LRMDA: variants seen among roughly 807,000 people sequenced by gnomAD.
LRMDA encodes leucine rich melanocyte differentiation associated.
Under a neutral mutation model 29.8 loss-of-function variants are expected in LRMDA, and 18 were observed. The observed-to-expected ratio is 0.60, with a 90% CI of 0.42 to 0.90. The LOEUF (loss-of-function observed/expected upper bound fraction) is 0.90. Ranked by LOEUF, LRMDA falls within the 40% of genes least tolerant of loss-of-function variation. The pLI is 0.00. For missense variants in LRMDA, 273 were observed against 273.9 expected (o/e 1.00, Z 0.02); for synonymous variants, 125 against 109.4 (o/e 1.14, Z -0.89).
chr10:75,900,021 G>T (rs1422545785), intron 2 of LRMDA, among the ~76,000 whole-genome samples: 1 of 152,076 alleles, frequency 6.6e-6, no homozygotes, highest in Non-Finnish European at 1.5e-5. Flanking sequence ...ATTAGAGCTG[G>T]GGCTCTTCCT....
intron 5 of LRMDA, among the ~76,000 whole-genome samples, chr10:76,145,684 A>G (rs927185775): frequency 9.9e-5 from 15 of 151,252 alleles, no homozygotes; most frequent in African/African-American, 3.4e-4. Flanking sequence ...TTGTGTCTCT[A>G]TTTCCTTCAG....
chr10:75,800,321 T>C (rs4746333), intron 2 of LRMDA, among the ~76,000 whole-genome samples: 58,920 of 152,048 alleles, frequency 0.39, 13,464 homozygotes, highest in South Asian at 0.52. Flanking sequence ...TTTTGCAGCA[T>C]ATATATATAT....
At chr10:76,118,066 G>C (rs1849697254) in intron 5 of LRMDA, among the ~76,000 whole-genome samples, 1 of 152,210 alleles carries the variant, frequency 6.6e-6, no homozygotes, top group African/African-American at 2.4e-5. Context: ...GTGACTCCCA[G>C]CTTTGCTTTT....
At chr10:76,038,686 T>A (rs1037668321) in intron 3 of LRMDA, among the ~76,000 whole-genome samples, 4 of 152,170 alleles carry the variant, frequency 2.6e-5, no homozygotes, top group Non-Finnish European at 5.9e-5. Flanking sequence ...GCTAAATGAC[T>A]CTCCTACCTA....
At chr10:75,753,583 A>G (rs1025258049) in intron 2 of LRMDA, among the ~76,000 whole-genome samples, 2 of 152,148 alleles carry the variant, frequency 1.3e-5, no homozygotes, top group African/African-American at 4.8e-5. Flanking sequence ...TGAGCTGGCT[A>G]GGAAGGTGGG....
At chr10:76,063,321 T>C (rs1333072012) in intron 5 of LRMDA, among the ~76,000 whole-genome samples, 1 of 152,188 alleles carries the variant, frequency 6.6e-6, no homozygotes, top group Non-Finnish European at 1.5e-5. Flanking sequence ...CACAGTGTGT[T>C]CAAACGTATG....
chr10:76,188,378 A>G (rs998694646), intron 5 of LRMDA, among the ~76,000 whole-genome samples: 15 of 152,234 alleles, frequency 9.9e-5, no homozygotes, highest in Non-Finnish European at 7.3e-5. Flanking sequence ...GCCAGACTCC[A>G]GGAGTAATGA....
intron 5 of LRMDA, among the ~76,000 whole-genome samples, chr10:76,117,651 T>C (rs186968636): frequency 1.3e-3 from 205 of 152,330 alleles, no homozygotes; most frequent in African/African-American, 4.7e-3. Context: ...TCGAGTGAGT[T>C]ATATAAAATA....
rs565999347 is a variant in LRMDA, at chr10:75,655,838, T to G, written c.131+217344T>G. Among the ~76,000 whole-genome samples the G allele has an allele frequency of 3.9e-5, 6 of 152,252 alleles. No homozygotes were observed. In the East Asian group the frequency reaches 9.7e-4, roughly 25 times the overall value. On this transcript the variant is annotated intron_variant, in intron 2 of 6. Coordinates refer to ENST00000611255, the MANE Select transcript of LRMDA (RefSeq NM_001305581.2). ...GACATATTTTTAGGGTGGGTCTGGA[T>G]AAGGATGTTTGGTTCAAACGTGTGT... is the stretch of plus-strand genomic sequence containing the variant.
chr10:75,771,597 A>C, intron 2 of LRMDA, among the ~76,000 whole-genome samples: 1 of 152,162 alleles, frequency 6.6e-6, no homozygotes. Flanking sequence ...GTCAGGAAGC[A>C]GGAGCCAGGT....
intron 2 of LRMDA, among the ~76,000 whole-genome samples, chr10:75,750,414 CAG>C (rs1171470240): frequency 6.9e-6 from 1 of 145,224 alleles, no homozygotes; most frequent in Admixed American, 6.8e-5. Context: ...GGCGGTCAGG[CAG>C]AGACACTCCT....
intron 2 of LRMDA, among the ~76,000 whole-genome samples, chr10:75,555,819 A>G (rs1163536714): frequency 6.6e-6 from 1 of 152,200 alleles, no homozygotes. Flanking sequence ...AGTGTGCCCA[A>G]GGACATAAAG....
At chr10:75,761,387 C>T (rs968580901) in intron 2 of LRMDA, among the ~76,000 whole-genome samples, 3 of 152,176 alleles carry the variant, frequency 2.0e-5, no homozygotes, top group Non-Finnish European at 2.9e-5. Context: ...TGTTACACCA[C>T]GGATGAATCT....
rs114071253 is a variant in LRMDA at position 75,462,709 on chromosome 10, A to G, written c.131+24215A>G. ...TAGGAAAATGTTATGTTGTGCTGGT[A>G]TAATTAGCTTTATAAGGTGGGGAGA... On this transcript the variant is annotated intron_variant, in intron 2 of 6. Coordinates refer to ENST00000611255, the MANE Select transcript of LRMDA (RefSeq NM_001305581.2). Among the ~76,000 whole-genome samples, 353 of 152,310 alleles carry G rather than the reference A, an allele frequency of 2.3e-3. 2 individuals are homozygous for G. The highest frequency in any genetic ancestry group is 8.1e-3 in the African/African-American group (337 of 41,566).
chr10:76,459,207 T>C (rs1842488052), intron 6 of LRMDA, among the ~76,000 whole-genome samples: 1 of 152,154 alleles, frequency 6.6e-6, no homozygotes, highest in Non-Finnish European at 1.5e-5. Context: ...CCAAGCACTT[T>C]GGATTTTCCA....
chr10:76,117,460 T>A (rs181217743), intron 5 of LRMDA, among the ~76,000 whole-genome samples: 60 of 152,356 alleles, frequency 3.9e-4, no homozygotes, highest in African/African-American at 1.4e-3. Flanking sequence ...AGAGTCCCCA[T>A]GATTCTGTAG....
chr10:76,092,960 T>C (rs994624610), intron 5 of LRMDA, among the ~76,000 whole-genome samples: 1 of 152,302 alleles, frequency 6.6e-6, no homozygotes, highest in Middle Eastern at 3.4e-3. Context: ...AACTCAGGTA[T>C]TTCTTTTGGT....
intron 2 of LRMDA, among the ~76,000 whole-genome samples, chr10:75,667,653 A>T (rs1408672728): frequency 6.6e-6 from 1 of 152,138 alleles, no homozygotes; most frequent in African/African-American, 2.4e-5. Context: ...GTTGGGTAGG[A>T]TGTTCACTTC....
chr10:75,459,092 A>C (rs1008598688), intron 2 of LRMDA, among the ~76,000 whole-genome samples: 6 of 151,936 alleles, frequency 3.9e-5, no homozygotes, highest in African/African-American at 1.5e-4. Flanking sequence ...TGGAATGTGG[A>C]AATTTGAAAT....
Sources: allele counts gnomAD v4.1 joint callset (sites outside exome capture counted in the v4.1 genomes callset), GRCh38; gene constraint gnomAD v4.1.1; transcripts MANE v1.5; gene names NCBI Gene and HGNC (gene_info 2026-07-23, HGNC 2026-07-21).